Variants in ADGRF5 observed in about 807,000 individuals in gnomAD.
ADGRF5 encodes the protein adhesion G protein-coupled receptor F5.
Under a neutral mutation model 132.3 loss-of-function variants are expected in ADGRF5, and 75 were observed. The ratio of observed to expected loss-of-function variants is 0.57; its 90% CI spans 0.47 to 0.69. The LOEUF is 0.69. Among genes scored for constraint, ADGRF5 ranks in the 30% least tolerant of loss-of-function variants. The probability of loss-of-function intolerance (pLI) is 0.00; values close to 1 mark genes in which losing one functional copy is unlikely to be tolerated. For missense variants in ADGRF5, 1,516 were observed against 1,630.6 expected (o/e 0.93, Z 1.21); for synonymous variants, 629 against 597.6 (o/e 1.05, Z -0.77).
intron 1 of ADGRF5, among the ~76,000 whole-genome samples, chr6:46,928,070 C>T (rs1777345507): frequency 1.3e-5 from 2 of 152,178 alleles, no homozygotes; most frequent in East Asian, 1.9e-4. Context: ...ACCACAGGAA[C>T]ATTTGAGGGG....
At chr6:46,937,045 C>T (rs1034111037) in intron 1 of ADGRF5, among the ~76,000 whole-genome samples, 10 of 152,174 alleles carry the variant, frequency 6.6e-5, no homozygotes, top group African/African-American at 1.9e-4. Flanking sequence ...TCAATGCTGT[C>T]GGTTCTATGT....
chr6:46,906,955 T>C (rs920324219), intron 1 of ADGRF5, among the ~76,000 whole-genome samples, 169 bp from the exon 2 acceptor site: 5 of 152,194 alleles, frequency 3.3e-5, no homozygotes, highest in African/African-American at 1.2e-4. Context: ...TGCCCAGACC[T>C]TTGGGTGAAG....
chr6:46,915,288 TTAATAATAATAA>T (rs76660188), intron 1 of ADGRF5, among the ~76,000 whole-genome samples: 1 of 149,538 alleles, frequency 6.7e-6, no homozygotes, highest in African/African-American at 2.5e-5. Flanking sequence ...CTTGACTATT[TTAATAATAATAA>T]TAATAATAAT....
upstream of ADGRF5, among the ~76,000 whole-genome samples, chr6:46,924,368 G>A (rs1397256866): frequency 6.6e-6 from 1 of 152,194 alleles, no homozygotes; most frequent in Non-Finnish European, 1.5e-5. Context: ...TCTTATTTAT[G>A]TTATGCCCAG....
chr6:46,944,335 T>C (rs34236561), intron 1 of ADGRF5, among the ~76,000 whole-genome samples: 5,055 of 152,304 alleles, frequency 0.033, 117 homozygotes, highest in Middle Eastern at 0.068. Flanking sequence ...GCTCAGGCAA[T>C]AACACTGGCT....
chr6:46,908,651 A>C (rs1775636758), intron 1 of ADGRF5: 1 of 152,168 alleles, frequency 6.6e-6, no homozygotes, highest in South Asian at 2.1e-4. Context: ...ATTGGCCAAT[A>C]CTGTCCCCAT....
At chr6:46,883,901 C>A (rs1218475279) in intron 5 of ADGRF5, among the ~76,000 whole-genome samples, 194 bp downstream of exon 5, 3 of 152,162 alleles carry the variant, frequency 2.0e-5, no homozygotes, top group East Asian at 3.9e-4. Flanking sequence ...GCCACCACAT[C>A]CAGCTAATTT....
intron 10 of ADGRF5, among the ~76,000 whole-genome samples, chr6:46,876,382 A>T (rs1771660026): frequency 6.6e-6 from 1 of 152,188 alleles, no homozygotes; most frequent in South Asian, 2.1e-4. Context: ...TACCACAGGA[A>T]TTGTGCAAGG....
chr6:46,875,768 A>G (rs562748010), intron 10 of ADGRF5, among the ~76,000 whole-genome samples: 1 of 152,206 alleles, frequency 6.6e-6, no homozygotes, highest in African/African-American at 2.4e-5. Flanking sequence ...CAAAAGCAAG[A>G]CTCTATCTCA....
intron 1 of ADGRF5, among the ~76,000 whole-genome samples, chr6:46,936,863 A>G (rs960948157): frequency 6.6e-6 from 1 of 151,686 alleles, no homozygotes; most frequent in African/African-American, 2.4e-5. Flanking sequence ...CTCCCCGCCA[A>G]CTCCTTCCAG....
intron 3 of ADGRF5, among the ~76,000 whole-genome samples, chr6:46,891,996 GAGA>G (rs1186699374): frequency 3.3e-5 from 5 of 152,110 alleles, no homozygotes; most frequent in African/African-American, 1.2e-4. Flanking sequence ...ACCTCGAATA[GAGA>G]AGGAAATGCC....
At chr6:46,911,439 T>C (rs1775941194) in intron 1 of ADGRF5, among the ~76,000 whole-genome samples, 1 of 152,216 alleles carries the variant, frequency 6.6e-6, no homozygotes, top group Non-Finnish European at 1.5e-5. Context: ...AATTTTTCTG[T>C]GTTTGGCGAA....
intron 12 of ADGRF5, among the ~76,000 whole-genome samples, chr6:46,867,795 GC>G (rs372848299): frequency 2.5e-4 from 2 of 7,902 alleles, no homozygotes; most frequent in South Asian, 0.042. Context: ...AATTCCTGCT[GC>G]GGGGGGGAAG....
At chr6:46,887,523 A>G (rs892389699) in intron 4 of ADGRF5, among the ~76,000 whole-genome samples, 5 of 152,224 alleles carry the variant, frequency 3.3e-5, no homozygotes, top group African/African-American at 1.2e-4. Context: ...GTGATAAGGG[A>G]GCTATGACTT....
intron 3 of ADGRF5, among the ~76,000 whole-genome samples, chr6:46,895,299 A>G (rs144201634): frequency 1.1e-3 from 160 of 152,206 alleles, no homozygotes; most frequent in African/African-American, 3.7e-3. Context: ...TCCCAACATT[A>G]AATGTCAAGC....
intron 1 of ADGRF5, among the ~76,000 whole-genome samples, chr6:46,913,304 C>T (rs1190787169): frequency 6.6e-6 from 1 of 152,062 alleles, no homozygotes; most frequent in Non-Finnish European, 1.5e-5. Flanking sequence ...ATGAGACCAG[C>T]CTTGCCTAAC....
chr6:46,879,367 G>A (rs895142237), intron 9 of ADGRF5, among the ~76,000 whole-genome samples: 11 of 152,046 alleles, frequency 7.2e-5, no homozygotes, highest in Admixed American at 6.5e-5. Context: ...GGGCCCTGGT[G>A]GTAGGTGATT....
chr6:46,914,715 T>G (rs1187758253), intron 1 of ADGRF5, among the ~76,000 whole-genome samples: 1 of 151,856 alleles, frequency 6.6e-6, no homozygotes, highest in Non-Finnish European at 1.5e-5. Flanking sequence ...TGCTCTTATC[T>G]AGTCCGTCTT....
Position 46,865,058 on chromosome 6 carries a change from C to G in ADGRF5, c.1974G>C (p.Lys658Asn). Residue 658 changes from lysine (K) to asparagine (N), a missense_variant, in exon 14 of 21, where the codon AAG becomes AAC. This residue lies in a region of ADGRF5 where 945 missense variants were observed against 929.4 expected (regional missense o/e 1.02). Transcript: ENST00000283296. ...CGTTCTTACCAGGAACCAGATTCAG[C>G]TTCATAGATGGGCTCCAGACTGAAT... ...ANNSVWSPSM[K>N]LNLVPGENIT... 1 of 1,606,168 alleles carries G rather than the reference C, an allele frequency of 6.2e-7. No homozygotes were observed.
Sources: gnomAD v4.1 joint callset for allele counts (sites outside exome capture counted in the v4.1 genomes callset) on GRCh38, gnomAD v4.1.1 for gene constraint, gnomAD v4.1.1 regional missense constraint, MANE v1.5 for transcripts, NCBI Gene and HGNC (gene_info 2026-07-23, HGNC 2026-07-21) for gene names.